The following ACOT11 variants were observed in gnomAD, a reference collection of about 807,000 sequenced individuals.
ACOT11 encodes the protein acyl-CoA thioesterase 11, also known as acyl-coenzyme A thioesterase 11.
In ACOT11, 69 loss-of-function variants were observed where a neutral mutation model predicts 77.5. The ratio of observed to expected loss-of-function variants is 0.89; its 90% CI spans 0.73 to 1.09. ACOT11 has a LOEUF of 1.09. Among genes scored for constraint, ACOT11 ranks in the 50% least tolerant of loss-of-function variants. ACOT11 has a pLI of 0.00. For synonymous variants in ACOT11, 279 were observed against 313.0 expected (o/e 0.89, Z 1.15); for missense variants, 766 against 813.7 (o/e 0.94, Z 0.71).
intron 1 of ACOT11, among the ~76,000 whole-genome samples, chr1:54,550,841 A>G (rs1653035827): frequency 6.6e-6 from 1 of 151,470 alleles, no homozygotes; most frequent in African/African-American, 2.4e-5. Flanking sequence ...AACAAAAACA[A>G]ACAAAAAACC....
In ACOT11 at chr1:54,564,478, C is replaced by T. The variant is rs567643244; in HGVS notation, c.33+16136C>T. 7.2e-5 allele frequency among the ~76,000 whole-genome samples: 11 copies of T among 152,120 alleles called. No individual in the cohort carries two copies. The South Asian group carries it at 2.1e-3, about 29-fold the overall frequency. Reference sequence around the variant, plus strand: ...GAATAGGCTGTGATCTGCCCTGGGGCGTGGCCCTGCCCAGGTGTGGCCCTG... The same window carrying T: ...GAATAGGCTGTGATCTGCCCTGGGGTGTGGCCCTGCCCAGGTGTGGCCCTG... On this transcript the variant is annotated intron_variant, in intron 1 of 15. Coordinates refer to ENST00000343744, the MANE Select transcript of ACOT11 (RefSeq NM_147161.4).
At position 54,601,255 on chromosome 1, in the gene ACOT11, CT is replaced by C; in HGVS notation, c.885-13del. On this transcript the variant is annotated splice_polypyrimidine_tract_variant and intron_variant, in intron 8 of 15. Coordinates refer to ENST00000343744, the MANE Select transcript of ACOT11 (RefSeq NM_147161.4). The stretch of plus-strand genomic sequence containing the variant: ...AGGTCTGTCCAGGTTGGAAGCCACA[CT>C]CCCTCCCCTCAGCATGGAGGTGGGC... The C allele has an allele frequency of 1.2e-6, 2 of 1,606,954 alleles. No homozygotes were observed. The highest frequency in any genetic ancestry group is 1.7e-6 in the Non-Finnish European group (2 of 1,179,100).
rs1227356319 is a variant in ACOT11, at chr1:54,607,065, C to T, written c.1371-69C>T. 14 of 1,597,912 alleles carry T rather than the reference C, an allele frequency of 8.8e-6. No individual in the cohort carries two copies. Among genetic ancestry groups the T allele is most frequent in the East Asian group, 4.5e-5 (2 of 44,570 alleles). ...TCAGGCACTGCAGTGTGGCAGGGCC[C>T]GGGCAGACCCGCTGCTTGCATGGGA... On this transcript the variant is annotated intron_variant, in intron 13 of 15. Coordinates refer to ENST00000343744, the MANE Select transcript of ACOT11 (RefSeq NM_147161.4). The surrounding 1 kb of genome is among the most constrained non-coding windows in gnomAD (Gnocchi z 4.5).
chr1:54,564,091 G>T (rs950690645), intron 1 of ACOT11, among the ~76,000 whole-genome samples: 3 of 151,270 alleles, frequency 2.0e-5, no homozygotes, highest in East Asian at 3.9e-4. Flanking sequence ...AATTAGCCAG[G>T]TGTGGTGGTG....
At chr1:54,573,933 G>C (rs1654012500) in intron 1 of ACOT11, among the ~76,000 whole-genome samples, 1 of 151,856 alleles carries the variant, frequency 6.6e-6, no homozygotes. Context: ...GGAGGCTGTG[G>C]CAGGAGAATC....
At chr1:54,581,630 C>T (rs1336017954) in intron 1 of ACOT11, among the ~76,000 whole-genome samples, 2 of 152,092 alleles carry the variant, frequency 1.3e-5, no homozygotes, top group African/African-American at 4.8e-5. Context: ...CAGCACTTGG[C>T]ACAGCTGCTG....
chr1:54,566,738 G>A (rs562866115), intron 1 of ACOT11, among the ~76,000 whole-genome samples: 1 of 152,250 alleles, frequency 6.6e-6, no homozygotes, highest in African/African-American at 2.4e-5. Flanking sequence ...CTGGCACCTC[G>A]GTGGGGAGTG....
At chr1:54,562,612 G>A (rs1464593772) in intron 1 of ACOT11, among the ~76,000 whole-genome samples, 4 of 147,290 alleles carry the variant, frequency 2.7e-5, no homozygotes, top group Non-Finnish European at 6.1e-5. Context: ...TTCTCAGATG[G>A]GGCAGCTGCC....
intron 8 of ACOT11, 53 bp from the exon 9 acceptor site, chr1:54,601,216 C>T: frequency 6.3e-7 from 1 of 1,580,546 alleles, no homozygotes; most frequent in South Asian, 1.1e-5. Context: ...GGGGAGGAGG[C>T]ATGGCCCTTG....
chr1:54,560,131 C>T (rs965203710), intron 1 of ACOT11, among the ~76,000 whole-genome samples: 9 of 152,182 alleles, frequency 5.9e-5, no homozygotes, highest in African/African-American at 9.7e-5. Flanking sequence ...CCAGACTAGA[C>T]GTGTCCTCAG....
At chr1:54,551,439 C>G (rs764932793) in intron 1 of ACOT11, among the ~76,000 whole-genome samples, 1 of 152,164 alleles carries the variant, frequency 6.6e-6, no homozygotes, top group Admixed American at 6.5e-5. Context: ...TGTGGTGGTG[C>G]GGGAAAGGTC....
At chr1:54,580,442 C>T (rs1455143516) in intron 1 of ACOT11, among the ~76,000 whole-genome samples, 3 of 152,206 alleles carry the variant, frequency 2.0e-5, no homozygotes, top group African/African-American at 7.2e-5. Context: ...TCCTCTGTCT[C>T]CACCCATCCA....
At chr1:54,597,124 G>A in intron 6 of ACOT11, 135 bp from the exon 7 acceptor site, 1 of 1,114,988 alleles carries the variant, frequency 9.0e-7, no homozygotes, top group South Asian at 1.4e-5. Context: ...TGCCTCATGT[G>A]CACTCTGTGC....
chr1:54,568,739 ATTT>A (rs1653830615), intron 1 of ACOT11, among the ~76,000 whole-genome samples: 1 of 151,740 alleles, frequency 6.6e-6, no homozygotes, highest in East Asian at 1.9e-4. Context: ...TTTTAGATTT[ATTT>A]TTTATTTTTA....
chr1:54,565,553 G>T (rs552670411), intron 1 of ACOT11, among the ~76,000 whole-genome samples: 1 of 152,248 alleles, frequency 6.6e-6, no homozygotes, highest in South Asian at 2.1e-4. Context: ...CTTGTTCCCT[G>T]TCCATTTCCT....
chr1:54,601,250 C>T lies in ACOT11; in HGVS notation c.885-19C>T, dbSNP rs377315073. 1.2e-5 allele frequency: 20 copies of T among 1,604,776 alleles called. No homozygotes were observed. The highest frequency in any genetic ancestry group is 1.7e-4 in the Middle Eastern group (1 of 6,060). ...TGGGAAGGTCTGTCCAGGTTGGAAGCCACACTCCCTCCCCTCAGCATGGAG... is the reference window on the plus strand; with the variant it reads ...TGGGAAGGTCTGTCCAGGTTGGAAGTCACACTCCCTCCCCTCAGCATGGAG... On this transcript the variant is annotated intron_variant, in intron 8 of 15. Coordinates refer to ENST00000343744, the MANE Select transcript of ACOT11 (RefSeq NM_147161.4).
At chr1:54,590,229 G>A (rs1025009324) in intron 3 of ACOT11, among the ~76,000 whole-genome samples, 3 of 152,096 alleles carry the variant, frequency 2.0e-5, no homozygotes, top group Admixed American at 6.6e-5. Context: ...TCATCACCTG[G>A]GTTTGCTATT....
At chr1:54,580,417 C>T (rs564686222) in intron 1 of ACOT11, among the ~76,000 whole-genome samples, 57 of 152,284 alleles carry the variant, frequency 3.7e-4, no homozygotes, top group Non-Finnish European at 7.4e-4. Context: ...CTTGGCCTGG[C>T]CCCCAAGCCC....
chr1:54,620,791 G>A (rs2101025459), intron 15 of ACOT11, among the ~76,000 whole-genome samples: 1 of 138,062 alleles, frequency 7.2e-6, no homozygotes, highest in Non-Finnish European at 1.5e-5. Flanking sequence ...GGAGGTTGTA[G>A]TGAGCCGAGA....
Sources: gnomAD v4.1 joint callset for allele counts (sites outside exome capture counted in the v4.1 genomes callset) on GRCh38, gnomAD v4.1.1 for gene constraint, Gnocchi (gnomAD v3.1) non-coding constraint, MANE v1.5 for transcripts, NCBI Gene and HGNC (gene_info 2026-07-23, HGNC 2026-07-21) for gene names.